Variants in NR3C1 observed in about 807,000 individuals in gnomAD.
NR3C1 encodes glucocorticoid receptor.
NR3C1 carries 14 observed loss-of-function variants against 74.0 expected under a neutral mutation model. The observed-to-expected ratio is 0.19, with a 90% confidence interval of 0.12 to 0.30. NR3C1 has a LOEUF of 0.30. Ranked by LOEUF, NR3C1 falls within the 10% of genes least tolerant of loss-of-function variation. The pLI, the probability that NR3C1 is intolerant of heterozygous loss-of-function variation, is 1.00. For missense variants in NR3C1, 695 were observed against 909.8 expected, an observed-to-expected ratio of 0.76 and a Z score of 3.04; for synonymous variants, 308 against 332.5, an observed-to-expected ratio of 0.93 and a Z score of 0.80.
intron 1 of NR3C1, among the ~76,000 whole-genome samples, chr5:143,433,391 AAT>A (rs34775154): frequency 1.7e-5 from 2 of 117,442 alleles, no homozygotes; most frequent in African/African-American, 3.1e-5. Context: ...AACAGCACTA[AAT>A]ATATATATAT....
chr5:143,295,474 A>AGTAAGGTTTT lies in NR3C1; in HGVS notation c.1999_2008dup (p.Leu670GlnfsTer11). On this transcript the variant is annotated frameshift_variant, in exon 7 of 9. Transcript: ENST00000394464. LOFTEE classifies it high-confidence loss of function. ...GTTCTACCAACCTGAAGAGAGAAGC[A>AGTAAGGTTTT]GTAAGGTTTTCATACAGAGATACTC... 1 of 1,612,944 alleles carries AGTAAGGTTTT rather than the reference A, an allele frequency of 6.2e-7. No homozygotes were observed. The highest frequency in any genetic ancestry group is 8.5e-7 in the Non-Finnish European group (1 of 1,179,228).
At chr5:143,382,674 T>C (rs554959065) in intron 2 of NR3C1, among the ~76,000 whole-genome samples, 1 of 152,350 alleles carries the variant, frequency 6.6e-6, no homozygotes, top group African/African-American at 2.4e-5. Context: ...GTCCTAATTC[T>C]TACTCACAAT....
At chr5:143,356,562 C>T (rs1177245205) in intron 2 of NR3C1, among the ~76,000 whole-genome samples, 3 of 152,082 alleles carry the variant, frequency 2.0e-5, no homozygotes, top group Non-Finnish European at 4.4e-5. Context: ...CTTTCCTCCA[C>T]TGCCCTGTTT....
At chr5:143,291,965 G>GT (rs1430657173) in intron 7 of NR3C1, among the ~76,000 whole-genome samples, 1 of 152,158 alleles carries the variant, frequency 6.6e-6, no homozygotes, top group Admixed American at 6.5e-5. Flanking sequence ...TCTGATGCTT[G>GT]TTTTGTCTCT....
intron 2 of NR3C1, among the ~76,000 whole-genome samples, chr5:143,357,643 T>G (rs550544030): frequency 6.6e-6 from 1 of 152,320 alleles, no homozygotes; most frequent in Non-Finnish European, 1.5e-5. Context: ...CCACGTAGAT[T>G]CCTAGATTCC....
At chr5:143,287,635 C>T (rs1307382813) in intron 7 of NR3C1, among the ~76,000 whole-genome samples, 1 of 152,044 alleles carries the variant, frequency 6.6e-6, no homozygotes, top group Non-Finnish European at 1.5e-5. Flanking sequence ...ACAGAAAATA[C>T]TTCTCAACTC....
chr5:143,387,740 T>C (rs936554510), intron 2 of NR3C1, among the ~76,000 whole-genome samples: 4 of 152,188 alleles, frequency 2.6e-5, no homozygotes, highest in Non-Finnish European at 5.9e-5. Context: ...GATGAACTTA[T>C]CCTACCAACC....
At chr5:143,291,441 G>T (rs1165844463) in intron 7 of NR3C1, among the ~76,000 whole-genome samples, 1 of 152,022 alleles carries the variant, frequency 6.6e-6, no homozygotes, top group Non-Finnish European at 1.5e-5. Context: ...AGCCAGGATG[G>T]TCTTGATCTC....
intron 2 of NR3C1, among the ~76,000 whole-genome samples, chr5:143,395,554 T>C (rs536663999): frequency 6.6e-6 from 1 of 152,024 alleles, no homozygotes; most frequent in Admixed American, 6.5e-5. Flanking sequence ...TACCAGGATG[T>C]CCTCAGAAGG....
At chr5:143,410,234 A>G (rs761120711) in intron 1 of NR3C1, among the ~76,000 whole-genome samples, 48 of 152,232 alleles carry the variant, frequency 3.2e-4, no homozygotes, top group Non-Finnish European at 6.2e-4. Flanking sequence ...GAGTGTTTCA[A>G]TCTGCCCCGC....
chr5:143,433,452 T>TAA (rs1751948010), intron 1 of NR3C1, among the ~76,000 whole-genome samples: 1 of 119,696 alleles, frequency 8.4e-6, no homozygotes, highest in African/African-American at 3.2e-5. Flanking sequence ...TTTATTTAAA[T>TAA]TATATATATA....
At chr5:143,366,693 C>A (rs953343038) in intron 2 of NR3C1, among the ~76,000 whole-genome samples, 1 of 152,074 alleles carries the variant, frequency 6.6e-6, no homozygotes, top group African/African-American at 2.4e-5. Context: ...TAATTATACA[C>A]TAACCAATTA....
At chr5:143,298,845 A>G in intron 5 of NR3C1, 33 bp from the exon 6 acceptor site, 1 of 1,605,658 alleles carries the variant, frequency 6.2e-7, no homozygotes, top group Non-Finnish European at 8.5e-7. Context: ...ATGAGGCAAC[A>G]CTCTTCAGAA....
intron 2 of NR3C1, among the ~76,000 whole-genome samples, chr5:143,398,442 G>A (rs1839649928): frequency 2.3e-5 from 3 of 131,818 alleles, no homozygotes; most frequent in Admixed American, 1.7e-4. Flanking sequence ...TCCCTAACAA[G>A]AAAAGCTTCT....
chr5:143,350,346 T>G (rs1830010092), intron 2 of NR3C1, among the ~76,000 whole-genome samples: 1 of 152,136 alleles, frequency 6.6e-6, no homozygotes, highest in Non-Finnish European at 1.5e-5. Context: ...TAGAAGGGTT[T>G]GCGAGGTATT....
At position 143,279,485 on chromosome 5, in the gene NR3C1, A is replaced by G; in HGVS notation, c.*2404T>C. ...ACACTGTCATTGATAAGAATATTCA[A>G]GCAGTTTTCTTAGGCACCAAAAATT... On this transcript the variant is annotated 3_prime_UTR_variant, in exon 9 of 9. Coordinates refer to ENST00000394464, the MANE Select transcript of NR3C1 (RefSeq NM_000176.3). 1 of 1,424,892 alleles carries G rather than the reference A, an allele frequency of 7.0e-7. No homozygotes were observed. The highest frequency in any genetic ancestry group is 1.6e-5 in the South Asian group (1 of 64,044). 88.3% of individuals were successfully genotyped at this position (1,424,892 alleles called of 1,614,324 possible). A position where few individuals can be genotyped will look rare whatever the true frequency, so the allele number is the denominator to read the frequency against.
chr5:143,402,192 A>G (rs561841465), intron 1 of NR3C1, among the ~76,000 whole-genome samples: 2 of 152,278 alleles, frequency 1.3e-5, no homozygotes, highest in Admixed American at 1.3e-4. Context: ...TCTAAACACG[A>G]GGTATCGAAT....
chr5:143,309,741 G>T (rs538601306), intron 4 of NR3C1, among the ~76,000 whole-genome samples: 3 of 152,110 alleles, frequency 2.0e-5, no homozygotes, highest in South Asian at 4.2e-4. Flanking sequence ...AAATATGTCT[G>T]ATACAGAAAC....
intron 2 of NR3C1, among the ~76,000 whole-genome samples, chr5:143,369,324 C>G (rs893953075): frequency 6.6e-6 from 1 of 152,092 alleles, no homozygotes; most frequent in Non-Finnish European, 1.5e-5. Flanking sequence ...ATCATATGAT[C>G]CAGTAATTCT....
Sources: gnomAD v4.1 joint callset for allele counts (sites outside exome capture counted in the v4.1 genomes callset) on GRCh38, gnomAD v4.1.1 for gene constraint, MANE v1.5 for transcripts, NCBI Gene and HGNC (gene_info 2026-07-23, HGNC 2026-07-21) for gene names.